Variants in NUP153 observed in about 807,000 individuals in gnomAD.
NUP153 encodes the protein nuclear pore complex protein Nup153.
Under a neutral mutation model 134.6 loss-of-function variants are expected in NUP153, and 27 were observed. The ratio of observed to expected loss-of-function variants is 0.20; its 90% CI spans 0.15 to 0.28. The LOEUF is 0.28. Among genes scored for constraint, NUP153 ranks in the 10% least tolerant of loss-of-function variants. The pLI, the probability that NUP153 is intolerant of heterozygous loss-of-function variation, is 1.00. For missense variants in NUP153, 1,821 were observed against 1,731.3 expected (o/e 1.05, Z -0.92); for synonymous variants, 640 against 623.5 (o/e 1.03, Z -0.40).
intron 11 of NUP153, among the ~76,000 whole-genome samples, chr6:17,660,154 C>A (rs1328447729): frequency 2.0e-5 from 3 of 152,160 alleles, no homozygotes; most frequent in Non-Finnish European, 1.5e-5. Flanking sequence ...TCCAAACCTG[C>A]AGAGCAAAAT....
At chr6:17,683,250 T>C (rs534794367) in intron 2 of NUP153, among the ~76,000 whole-genome samples, 1 of 152,294 alleles carries the variant, frequency 6.6e-6, no homozygotes, top group Non-Finnish European at 1.5e-5. Context: ...CTTAATGTCA[T>C]CTAGAATGGT....
At chr6:17,701,837 G>GGGGC (rs1770113586) in intron 1 of NUP153, among the ~76,000 whole-genome samples, 1 of 106,644 alleles carries the variant, frequency 9.4e-6, no homozygotes, top group Non-Finnish European at 2.0e-5. Flanking sequence ...TGTCTCGGGG[G>GGGGC]GGGGGGGAAA....
chr6:17,641,831 G>A (rs948066928), intron 14 of NUP153, among the ~76,000 whole-genome samples: 3 of 67,990 alleles, frequency 4.4e-5, no homozygotes, highest in African/African-American at 1.7e-4. Flanking sequence ...CAGGTTGGGA[G>A]ACAGAGCGAG....
chr6:17,632,625 T>C (rs1337126957), intron 17 of NUP153, 25 bp downstream of exon 17: 4 of 1,569,128 alleles, frequency 2.5e-6, no homozygotes, highest in Non-Finnish European at 1.7e-6. Context: ...TACCATCACC[T>C]TTATTTTTAT....
At chr6:17,653,027 T>C (rs1471021378) in intron 11 of NUP153, among the ~76,000 whole-genome samples, 2 of 151,962 alleles carry the variant, frequency 1.3e-5, no homozygotes, top group East Asian at 3.9e-4. Context: ...CCGAGGCGGG[T>C]GGACTGCCTT....
At chr6:17,698,839 C>T (rs1464312990) in intron 1 of NUP153, among the ~76,000 whole-genome samples, 1 of 150,416 alleles carries the variant, frequency 6.6e-6, no homozygotes, top group Non-Finnish European at 1.5e-5. Context: ...TGCCATTGCA[C>T]TCCAGCCTGG....
intron 11 of NUP153, among the ~76,000 whole-genome samples, chr6:17,653,587 A>C (rs1766630591): frequency 6.6e-6 from 1 of 152,230 alleles, no homozygotes; most frequent in Non-Finnish European, 1.5e-5. Context: ...ATTTACGAAA[A>C]GACCTGAACA....
chr6:17,642,021 A>G (rs752863662), intron 14 of NUP153, among the ~76,000 whole-genome samples: 1 of 152,116 alleles, frequency 6.6e-6, no homozygotes, highest in Non-Finnish European at 1.5e-5. Context: ...CCAATTTAAA[A>G]AGTAGTAGGT....
chr6:17,674,962 T>C lies in NUP153; in HGVS notation c.795A>G (p.Thr265=). The change falls in exon 5 of 22, where the codon ACA becomes ACG. Residue 265 remains threonine (T), a synonymous_variant. Coordinates refer to ENST00000262077, the MANE Select transcript of NUP153 (RefSeq NM_005124.4). ...TTACAGCAGCTGCTGCCCCACCGTA[T>C]GTTGTTTTTCCAGGATAAAAAGGAG... ...GDSPFYPGKT[T]YGGAAAAVRQ... is the part of the protein sequence containing the mutation. 6.2e-7 allele frequency: 1 copy of C among 1,613,810 alleles called. No homozygotes were observed. The highest frequency in any genetic ancestry group is 8.5e-7 in the Non-Finnish European group (1 of 1,179,860).
At chr6:17,620,443 G>T (rs1013091376) in intron 20 of NUP153, among the ~76,000 whole-genome samples, 1 of 152,150 alleles carries the variant, frequency 6.6e-6, no homozygotes, top group Non-Finnish European at 1.5e-5. Flanking sequence ...AGATCCATAT[G>T]CAGTATGAAA....
At chr6:17,667,910 A>G (rs1767641764) in intron 8 of NUP153, among the ~76,000 whole-genome samples, 1 of 152,240 alleles carries the variant, frequency 6.6e-6, no homozygotes. Context: ...ATAATGATCA[A>G]CTTTATCAGT....
At chr6:17,655,832 A>C (rs957913802) in intron 11 of NUP153, among the ~76,000 whole-genome samples, 3 of 152,186 alleles carry the variant, frequency 2.0e-5, no homozygotes, top group African/African-American at 7.2e-5. Context: ...AACATATCTG[A>C]CTTCTGATGC....
intron 1 of NUP153, among the ~76,000 whole-genome samples, chr6:17,691,617 T>G (rs544764123): frequency 2.2e-4 from 34 of 151,898 alleles, no homozygotes; most frequent in South Asian, 8.3e-4. Flanking sequence ...ATACAAAAAT[T>G]AGCCAGGCAT....
At chr6:17,684,768 A>G (rs1020889692) in intron 2 of NUP153, among the ~76,000 whole-genome samples, 3 of 152,200 alleles carry the variant, frequency 2.0e-5, no homozygotes, top group African/African-American at 7.2e-5. Context: ...CTTAGAGGCC[A>G]CTGTAAGGTT....
At chr6:17,687,658 T>A (rs949227873) in intron 2 of NUP153, among the ~76,000 whole-genome samples, 1 of 152,186 alleles carries the variant, frequency 6.6e-6, no homozygotes, top group African/African-American at 2.4e-5. Context: ...TAACAGGGCA[T>A]ACAACCAAAT....
Position 17,706,424 on chromosome 6 carries a change from A to T in NUP153, c.-37T>A. 2 of 1,553,806 alleles carry T rather than the reference A, an allele frequency of 1.3e-6. No individual in the cohort carries two copies. The highest frequency in any genetic ancestry group is 2.2e-5 in the South Asian group (2 of 89,788). ...CGCCGCTTCCCGCTCCGGGGCGGGT[A>T]AGGGGGCGGGAGAGGCAGAGGCGGA... is the stretch of plus-strand genomic sequence containing the variant. On this transcript the variant is annotated 5_prime_UTR_variant, in exon 1 of 22. Transcript: ENST00000262077. The surrounding 1 kb of genome is among the most constrained non-coding windows in gnomAD (Gnocchi z 5.9).
chr6:17,694,398 C>A (rs1769493744), intron 1 of NUP153, among the ~76,000 whole-genome samples: 1 of 152,162 alleles, frequency 6.6e-6, no homozygotes, highest in African/African-American at 2.4e-5. Flanking sequence ...GTGGCTCACG[C>A]CTGTAATCCC....
At chr6:17,647,973 A>G in intron 12 of NUP153, 68 bp from the exon 13 acceptor site, 1 of 957,552 alleles carries the variant, frequency 1.0e-6, no homozygotes, top group South Asian at 1.4e-5. Flanking sequence ...GACAAAAAAG[A>G]CATTAAGCAA....
At position 17,669,411 on chromosome 6, in the gene NUP153, C is replaced by G. The variant is rs55786700; in HGVS notation, c.969+19G>C. The G allele has an allele frequency of 1.9e-6, 3 of 1,602,658 alleles. No homozygotes were observed. Among genetic ancestry groups the G allele is most frequent in the Non-Finnish European group, 2.6e-6 (3 of 1,169,638 alleles). On this transcript the variant is annotated intron_variant, in intron 6 of 21. Coordinates refer to ENST00000262077, the MANE Select transcript of NUP153 (RefSeq NM_005124.4). The stretch of plus-strand genomic sequence containing the variant: ...AGTTTTGTTACACTCCTGTATTAAT[C>G]GTGATTTTAAAAATTTACCGCTAAA...
Sources: allele counts gnomAD v4.1 joint callset (sites outside exome capture counted in the v4.1 genomes callset), GRCh38; gene constraint gnomAD v4.1.1; non-coding constraint Gnocchi (gnomAD v3.1); transcripts MANE v1.5; gene names NCBI Gene and HGNC (gene_info 2026-07-23, HGNC 2026-07-21).